Variants in ABCA5 observed in about 807,000 individuals in gnomAD.
ABCA5 encodes the protein ATP binding cassette subfamily A member 5.
In ABCA5, 163 loss-of-function variants were observed where a neutral mutation model predicts 206.0. The ratio of observed to expected loss-of-function variants is 0.79; its 90% confidence interval spans 0.70 to 0.90. The LOEUF (loss-of-function observed/expected upper bound fraction) is 0.90. Among genes scored for constraint, ABCA5 ranks in the 40% least tolerant of loss-of-function variants. The pLI is 0.00. For missense variants in ABCA5, 1,859 were observed against 1,912.9 expected (o/e 0.97, Z 0.53); for synonymous variants, 609 against 613.8 (o/e 0.99, Z 0.11).
intron 18 of ABCA5, among the ~76,000 whole-genome samples, chr17:69,282,473 T>C (rs1257765225): frequency 6.6e-6 from 1 of 151,996 alleles, no homozygotes; most frequent in Non-Finnish European, 1.5e-5. Flanking sequence ...AACAATATAC[T>C]CAAAATTCAT....
chr17:69,261,193 G>T lies in ABCA5; in HGVS notation c.3496C>A (p.Leu1166Ile). The part of the protein sequence containing the change: ...FFMGYTIATI[L>I]HYAFCIIIPI... ...ATGATGATACAAAAGGCATAATGAAGAATAGTTGCAATTGTGTATCCCATA... is the reference window on the plus strand; with the variant it reads ...ATGATGATACAAAAGGCATAATGAATAATAGTTGCAATTGTGTATCCCATA... Residue 1166 changes from leucine (L) to isoleucine (I), a missense_variant, in exon 26 of 39, where the codon CTT becomes ATT. By Grantham distance (5) the Leu-to-Ile change is conservative. Coordinates refer to ENST00000392676, the MANE Select transcript of ABCA5 (RefSeq NM_172232.4). 6.2e-7 allele frequency: 1 copy of T among 1,608,726 alleles called. No homozygotes were observed. Among genetic ancestry groups the T allele is most frequent in the Non-Finnish European group, 8.5e-7 (1 of 1,177,170 alleles).
intron 1 of ABCA5, among the ~76,000 whole-genome samples, chr17:69,320,876 T>C (rs1435942119): frequency 6.6e-6 from 1 of 152,170 alleles, no homozygotes; most frequent in Non-Finnish European, 1.5e-5. Context: ...TATAAATTCT[T>C]TGCAAATGAT....
intron 3 of ABCA5, among the ~76,000 whole-genome samples, chr17:69,309,749 G>A (rs1358084479): frequency 6.6e-6 from 1 of 152,086 alleles, no homozygotes; most frequent in Non-Finnish European, 1.5e-5. Context: ...GCGGAGGTGG[G>A]AGGATCATTT....
Position 69,271,148 on chromosome 17 carries a change from T to C in ABCA5, c.2892+14A>G. The C allele has an allele frequency of 6.2e-7, 1 of 1,601,944 alleles. No homozygotes were observed. Among genetic ancestry groups the C allele is most frequent in the Non-Finnish European group, 8.5e-7 (1 of 1,177,098 alleles). On this transcript the variant is annotated intron_variant, in intron 21 of 38. Coordinates refer to ENST00000392676, the MANE Select transcript of ABCA5 (RefSeq NM_172232.4). ...AACTCCCAAATGGATATTCATTCACTGCATTCATCTTACCTTTTCTGAATG... is the reference window on the plus strand; with the variant it reads ...AACTCCCAAATGGATATTCATTCACCGCATTCATCTTACCTTTTCTGAATG...
chr17:69,261,032 AT>A, intron 26 of ABCA5, 92 bp downstream of exon 26: 1 of 1,085,782 alleles, frequency 9.2e-7, no homozygotes, highest in South Asian at 1.7e-5. Context: ...AGCCCAATGC[AT>A]TTTACTGTTT....
rs1307000966 is a variant in ABCA5 at position 69,280,422 on chromosome 17, T to C, written c.2393-2580A>G. Among the ~76,000 whole-genome samples the C allele has an allele frequency of 4.0e-5, 6 of 150,260 alleles. No homozygotes were observed. The East Asian group carries it at 1.2e-3, about 29-fold the overall frequency. ...AGGATATGGAGAAACAGGAACACTT[T>C]TACACTGTTGGTGGCACTGTAAACT... On this transcript the variant is annotated intron_variant, in intron 18 of 38. Coordinates refer to ENST00000392676, the MANE Select transcript of ABCA5 (RefSeq NM_172232.4).
At chr17:69,287,288 C>A (rs1333466730) in intron 15 of ABCA5, among the ~76,000 whole-genome samples, 1 of 152,156 alleles carries the variant, frequency 6.6e-6, no homozygotes, top group Non-Finnish European at 1.5e-5. Context: ...GAAGCTTCTA[C>A]CTGGTTTCCT....
intron 23 of ABCA5, among the ~76,000 whole-genome samples, chr17:69,265,540 T>C (rs1362038757): frequency 6.6e-6 from 1 of 152,114 alleles, no homozygotes; most frequent in East Asian, 1.9e-4. Flanking sequence ...CTAAAATATT[T>C]CATAAATCCA....
chr17:69,301,010 A>G, intron 9 of ABCA5, 129 bp downstream of exon 9: 1 of 735,396 alleles, frequency 1.4e-6, no homozygotes, highest in Non-Finnish European at 2.1e-6. Flanking sequence ...AAGTCAAATT[A>G]AAAGCTTTAA....
chr17:69,305,724 A>C (rs547529639), intron 6 of ABCA5, among the ~76,000 whole-genome samples: 8 of 152,228 alleles, frequency 5.3e-5, no homozygotes, highest in Admixed American at 2.0e-4. Flanking sequence ...ATTGAAAATT[A>C]GTTGGGCATG....
At chr17:69,320,286 C>T (rs955443815) in intron 1 of ABCA5, among the ~76,000 whole-genome samples, 1 of 152,040 alleles carries the variant, frequency 6.6e-6, no homozygotes, top group African/African-American at 2.4e-5. Context: ...ATGGGGTGAA[C>T]TTCATTTAAA....
At chr17:69,323,038 A>G (rs1457334626) in intron 1 of ABCA5, among the ~76,000 whole-genome samples, 1 of 152,162 alleles carries the variant, frequency 6.6e-6, no homozygotes, top group Admixed American at 6.5e-5. Context: ...AGCAGATGTA[A>G]CAGAAAATGG....
chr17:69,260,064 C>T (rs986106815), intron 27 of ABCA5, among the ~76,000 whole-genome samples: 5 of 151,880 alleles, frequency 3.3e-5, no homozygotes, highest in African/African-American at 7.2e-5. Flanking sequence ...AAAATATAAT[C>T]GAACACAAAA....
rs1160294023 is a variant in ABCA5 at position 69,259,234 on chromosome 17, G to A, written c.3731+472C>T. 3.3e-5 allele frequency among the ~76,000 whole-genome samples: 5 copies of A among 151,964 alleles called. No individual in the cohort carries two copies. The South Asian group carries it at 8.3e-4, about 25-fold the overall frequency. Reference sequence around the variant, plus strand: ...AAGATATATAAAAAGTGCTACACACGACTACATGATAAGCCCTCCAAACAT... The same window carrying A: ...AAGATATATAAAAAGTGCTACACACAACTACATGATAAGCCCTCCAAACAT... On this transcript the variant is annotated intron_variant, in intron 28 of 38. Transcript: ENST00000392676.
chr17:69,312,591 A>G (rs2075780842), intron 3 of ABCA5, among the ~76,000 whole-genome samples: 2 of 152,072 alleles, frequency 1.3e-5, no homozygotes, highest in Admixed American at 6.6e-5. Flanking sequence ...TTTTATTGTT[A>G]TAGATGGGGG....
rs189318296 is a variant in ABCA5, at chr17:69,244,663, A to G, written c.*2874T>C. On this transcript the variant is annotated 3_prime_UTR_variant, in exon 39 of 39. Coordinates refer to ENST00000392676, the MANE Select transcript of ABCA5 (RefSeq NM_172232.4). The stretch of plus-strand genomic sequence containing the variant: ...AAATACATTAAGGATAAACATTTCT[A>G]TTTCTCAAAAATTAATGCCTATTTA... The G allele has an allele frequency of 8.1e-4, 123 of 151,672 alleles. No homozygotes were observed. The highest frequency in any genetic ancestry group is 2.9e-3 in the African/African-American group (120 of 41,498). The allele number at this position is 151,672 out of a possible 1,614,324, so 9.4% of individuals were successfully genotyped here.
At chr17:69,317,399 C>CA (rs1168274624) in intron 1 of ABCA5, among the ~76,000 whole-genome samples, 20,632 of 74,348 alleles carry the variant, frequency 0.28, 2,901 homozygotes, top group Middle Eastern at 0.38. Context: ...GACTCTGTCT[C>CA]AAAAAAAAAA....
At position 69,271,236 on chromosome 17, in the gene ABCA5, T is replaced by A. The variant is rs1477938476; in HGVS notation, c.2818A>T (p.Thr940Ser). ...SFFTSQNIMVTMINDSDYVSV... is the reference protein window; with the variant it reads ...SFFTSQNIMVSMINDSDYVSV... Reference sequence around the variant, plus strand: ...ACATAGTCACTGTCATTAATCATCGTCACCATTATGTTCTGGCTTGTGAAA... The same window carrying A: ...ACATAGTCACTGTCATTAATCATCGACACCATTATGTTCTGGCTTGTGAAA... The change falls in exon 21 of 39, where the codon ACG becomes TCG. Residue 940 changes from threonine (T) to serine (S), a missense_variant. Coordinates refer to ENST00000392676, the MANE Select transcript of ABCA5 (RefSeq NM_172232.4). The A allele has an allele frequency of 1.2e-6, 2 of 1,613,566 alleles. No homozygotes were observed. The highest frequency in any genetic ancestry group is 2.2e-5 in the South Asian group (2 of 91,008).
intron 22 of ABCA5, among the ~76,000 whole-genome samples, 171 bp downstream of exon 22, chr17:69,270,442 T>C (rs1324361251): frequency 6.6e-6 from 1 of 152,118 alleles, no homozygotes; most frequent in African/African-American, 2.4e-5. Flanking sequence ...AACATACTTC[T>C]ACTGGGGAAT....
Sources: allele counts gnomAD v4.1 joint callset (sites outside exome capture counted in the v4.1 genomes callset), GRCh38; gene constraint gnomAD v4.1.1; transcripts MANE v1.5; gene names NCBI Gene and HGNC (gene_info 2026-07-23, HGNC 2026-07-21).